HHAT: variants seen among roughly 807,000 people sequenced by gnomAD.
HHAT encodes protein-cysteine N-palmitoyltransferase HHAT.
HHAT carries 47 observed loss-of-function variants against 70.8 expected under a neutral mutation model. That is an observed-to-expected ratio of 0.66 (90% CI 0.53 to 0.85). The LOEUF is 0.85. Among genes scored for constraint, HHAT ranks in the 40% least tolerant of loss-of-function variants. The pLI is 0.00. For synonymous variants in HHAT, 228 were observed against 247.6 expected, an observed-to-expected ratio of 0.92 and a Z score of 0.74; for missense variants, 609 against 604.8, an observed-to-expected ratio of 1.01 and a Z score of -0.07.
chr1:210,554,288 CTT>C (rs1439344102), intron 9 of HHAT, among the ~76,000 whole-genome samples: 1 of 152,152 alleles, frequency 6.6e-6, no homozygotes, highest in African/African-American at 2.4e-5. Flanking sequence ...GAGCTAATGA[CTT>C]TGAGGAAAAC....
chr1:210,496,877 C>T (rs2094654512), intron 8 of HHAT, among the ~76,000 whole-genome samples: 1 of 152,186 alleles, frequency 6.6e-6, no homozygotes, highest in Non-Finnish European at 1.5e-5. Flanking sequence ...TTTCAGAATC[C>T]TTCTGTCTGA....
intron 1 of HHAT, among the ~76,000 whole-genome samples, chr1:210,336,301 T>TTTTTTTTTTTTTTTTTTTTTTTTTTTTC (rs2085489944): frequency 7.0e-6 from 1 of 143,230 alleles, no homozygotes; most frequent in Non-Finnish European, 1.5e-5. Context: ...TTTTTTTTTT[T>TTTTTTTTTTTTTTTTTTTTTTTTTTTTC]TTTTTTTTTA....
chr1:210,416,928 C>T (rs1375882995), intron 6 of HHAT, among the ~76,000 whole-genome samples: 1 of 152,112 alleles, frequency 6.6e-6, no homozygotes, highest in Non-Finnish European at 1.5e-5. Flanking sequence ...AACCCAGACT[C>T]GGAAAGGTTA....
At chr1:210,665,561 G>T (rs1276986648) in intron 11 of HHAT, among the ~76,000 whole-genome samples, 6 of 152,236 alleles carry the variant, frequency 3.9e-5, no homozygotes, top group Non-Finnish European at 7.3e-5. Flanking sequence ...CAGAGGGACA[G>T]CAGGCAGTGG....
chr1:210,506,545 A>G lies in HHAT; in HGVS notation c.1008-6608A>G, dbSNP rs540817893. On this transcript the variant is annotated intron_variant, in intron 8 of 11. Coordinates refer to ENST00000261458, the MANE Select transcript of HHAT (RefSeq NM_018194.6). ...AATATGTACAGGATCCGTGTTCCTT[A>G]TGTCTCCTCATGAGGAAACCCTGGT... Among the ~76,000 whole-genome samples the G allele has an allele frequency of 1.1e-4, 16 of 152,292 alleles. No homozygotes were observed. The South Asian group carries it at 3.1e-3, about 30-fold the overall frequency.
At chr1:210,379,371 C>T (rs371318832) in intron 3 of HHAT, among the ~76,000 whole-genome samples, 1 of 152,232 alleles carries the variant, frequency 6.6e-6, no homozygotes, top group East Asian at 1.9e-4. Flanking sequence ...TAGTTTTCAA[C>T]CTTCTAACCT....
At chr1:210,441,561 G>T (rs926617798) in intron 7 of HHAT, among the ~76,000 whole-genome samples, 1 of 152,122 alleles carries the variant, frequency 6.6e-6, no homozygotes, top group African/African-American at 2.4e-5. Context: ...AGTCAAGCTT[G>T]TCTTTAGATT....
chr1:210,507,732 C>T (rs1171216119), intron 8 of HHAT, among the ~76,000 whole-genome samples: 1 of 152,040 alleles, frequency 6.6e-6, no homozygotes, highest in Non-Finnish European at 1.5e-5. Context: ...AGGGAGGCCC[C>T]ACCCCTGAAC....
At chr1:210,524,028 A>G (rs1396570652) in intron 9 of HHAT, among the ~76,000 whole-genome samples, 1 of 152,206 alleles carries the variant, frequency 6.6e-6, no homozygotes, top group Non-Finnish European at 1.5e-5. Context: ...ATCCACTTTT[A>G]TGAGGTATCT....
intron 3 of HHAT, among the ~76,000 whole-genome samples, chr1:210,385,692 A>C (rs1019142682): frequency 5.9e-5 from 9 of 152,198 alleles, no homozygotes; most frequent in Non-Finnish European, 1.0e-4. Context: ...GAAATGGGAA[A>C]ACTTTTTTAA....
Position 210,638,174 on chromosome 1 carries a change from G to A in HHAT, c.1390+14504G>A, listed in dbSNP as rs189251572. On this transcript the variant is annotated intron_variant, in intron 11 of 11. Coordinates refer to ENST00000261458, the MANE Select transcript of HHAT (RefSeq NM_018194.6). ...AAACATAGAGTTACTATATGACATA[G>A]CAATTCTACTCCTGTATATGTGCCC... is the stretch of plus-strand genomic sequence containing the variant. Among the ~76,000 whole-genome samples, 78 of 152,250 alleles carry A rather than the reference G, an allele frequency of 5.1e-4. No individual in the cohort carries two copies. In the Middle Eastern group the frequency reaches 0.01, roughly 20 times the overall value.
intron 8 of HHAT, among the ~76,000 whole-genome samples, chr1:210,468,591 T>G (rs966925265): frequency 6.6e-6 from 1 of 152,138 alleles, no homozygotes; most frequent in African/African-American, 2.4e-5. Context: ...AGTGAGGCAT[T>G]GATTGCATGG....
At chr1:210,408,948 G>A (rs1440520432) in intron 6 of HHAT, among the ~76,000 whole-genome samples, 1 of 152,118 alleles carries the variant, frequency 6.6e-6, no homozygotes, top group African/African-American at 2.4e-5. Context: ...TGTAGCTTTG[G>A]CCTCCCGAGC....
chr1:210,641,351 A>C (rs1672938584), intron 11 of HHAT, among the ~76,000 whole-genome samples: 1 of 152,184 alleles, frequency 6.6e-6, no homozygotes, highest in Admixed American at 6.5e-5. Flanking sequence ...GCATCCTGGA[A>C]GTTACTCCTT....
At chr1:210,588,148 A>G (rs1573542061) in intron 10 of HHAT, 49 bp downstream of exon 10, 11 of 1,464,642 alleles carry the variant, frequency 7.5e-6, no homozygotes, top group Non-Finnish European at 8.3e-6. Context: ...AACTAGGCAG[A>G]TCAGGTTTAT....
intron 11 of HHAT, among the ~76,000 whole-genome samples, chr1:210,666,944 G>A (rs577898298): frequency 1.3e-5 from 2 of 151,168 alleles, no homozygotes; most frequent in Admixed American, 1.3e-4. Flanking sequence ...GCTGGGCGCA[G>A]TGGCGGGTGC....
intron 10 of HHAT, among the ~76,000 whole-genome samples, chr1:210,622,156 C>T (rs543507951): frequency 2.5e-4 from 38 of 152,282 alleles, no homozygotes; most frequent in Admixed American, 5.9e-4. Flanking sequence ...TTTTGCCTGT[C>T]ATGAATTGCA....
At chr1:210,653,812 C>T (rs1341331417) in intron 11 of HHAT, among the ~76,000 whole-genome samples, 1 of 37,040 alleles carries the variant, frequency 2.7e-5, no homozygotes, top group Non-Finnish European at 5.3e-5. Flanking sequence ...GGGGCAGGAG[C>T]TGGAGGGCAG....
intron 10 of HHAT, among the ~76,000 whole-genome samples, chr1:210,619,347 T>G (rs1668387549): frequency 1.3e-5 from 2 of 152,158 alleles, no homozygotes; most frequent in South Asian, 4.1e-4. Flanking sequence ...GGCTACACCT[T>G]GCCTGTCTGT....
Sources: allele counts gnomAD v4.1 joint callset (sites outside exome capture counted in the v4.1 genomes callset), GRCh38; gene constraint gnomAD v4.1.1; transcripts MANE v1.5; gene names NCBI Gene and HGNC (gene_info 2026-07-23, HGNC 2026-07-21).